Variants in LRP5 observed in about 807,000 individuals in gnomAD.
LRP5 encodes LDL receptor related protein 5.
A neutral mutation model predicts 154.1 loss-of-function variants in LRP5; 62 were observed. The ratio of observed to expected loss-of-function variants is 0.40; its 90% confidence interval spans 0.33 to 0.50. The LOEUF (loss-of-function observed/expected upper bound fraction) is 0.50. Among genes scored for constraint, LRP5 ranks in the 20% least tolerant of loss-of-function variants. The pLI is 0.55. For synonymous variants in LRP5, 966 were observed against 1,011.5 expected (o/e 0.96, Z 0.85); for missense variants, 1,915 against 2,336.7 (o/e 0.82, Z 3.72).
chr11:68,308,345 C>T (rs894462908), upstream of LRP5, among the ~76,000 whole-genome samples: 1 of 152,222 alleles, frequency 6.6e-6, no homozygotes, highest in Non-Finnish European at 1.5e-5. Context: ...CCAAGTGTCA[C>T]CGGGCTGAAA....
At chr11:68,407,316 G>C (rs2153164962) in intron 9 of LRP5, among the ~76,000 whole-genome samples, 1 of 151,726 alleles carries the variant, frequency 6.6e-6, no homozygotes, top group East Asian at 2.0e-4. Context: ...CTACAGACAT[G>C]CACCACCACA....
chr11:68,386,937 C>T lies in LRP5; in HGVS notation c.1412+225C>T, dbSNP rs1304470983. Among the ~76,000 whole-genome samples the T allele has an allele frequency of 1.3e-5, 2 of 152,192 alleles. No individual in the cohort carries two copies. Among genetic ancestry groups the T allele is most frequent in the Non-Finnish European group, 2.9e-5 (2 of 68,032 alleles). ...TAACAAGCACCCCAGTGGTCCGGTG[C>T]TGCTGCTGGGTCCATGCGTAGAAAG... On this transcript the variant is annotated intron_variant, in intron 6 of 22. Transcript: ENST00000294304. The surrounding 1 kb of genome is among the most constrained non-coding windows in gnomAD (Gnocchi z 7.9).
chr11:68,304,658 G>T, the LRP5 span, among the ~76,000 whole-genome samples: 28 of 152,382 alleles, frequency 1.8e-4, no homozygotes, highest in East Asian at 5.2e-3. Flanking sequence ...CTGCAAAGCC[G>T]CAGGAATAGA....
intron 9 of LRP5, among the ~76,000 whole-genome samples, chr11:68,407,657 G>A (rs1199160665): frequency 2.8e-5 from 4 of 144,604 alleles, no homozygotes; most frequent in African/African-American, 5.0e-5. Flanking sequence ...CCTCACCCAC[G>A]TGGAGAAACC....
intron 5 of LRP5, among the ~76,000 whole-genome samples, chr11:68,367,883 G>T (rs762735131): frequency 6.6e-6 from 1 of 152,124 alleles, no homozygotes; most frequent in Non-Finnish European, 1.5e-5. Context: ...GGCCAACATG[G>T]TGAAACTCCA....
intron 3 of LRP5, among the ~76,000 whole-genome samples, chr11:68,360,069 G>A (rs111245244): frequency 2.6e-5 from 4 of 151,924 alleles, no homozygotes; most frequent in African/African-American, 4.8e-5. Flanking sequence ...GATTACAGGC[G>A]TGAGCCACCA....
intron 5 of LRP5, among the ~76,000 whole-genome samples, chr11:68,367,773 G>C (rs2098631876): frequency 6.6e-6 from 1 of 152,160 alleles, no homozygotes; most frequent in African/African-American, 2.4e-5. Flanking sequence ...GTGTAAAACA[G>C]GCAGCTCGGG....
At chr11:68,432,538 C>T (rs1485926405) in intron 17 of LRP5, among the ~76,000 whole-genome samples, 1 of 152,238 alleles carries the variant, frequency 6.6e-6, no homozygotes, top group Non-Finnish European at 1.5e-5. Context: ...ATGGGGAAGG[C>T]CTGCGGGTTC....
chr11:68,362,590 C>T (rs2098628693), intron 3 of LRP5, among the ~76,000 whole-genome samples: 1 of 151,176 alleles, frequency 6.6e-6, no homozygotes, highest in African/African-American at 2.4e-5. Context: ...ACTCTGGAGG[C>T]GGAGGTGGGA....
chr11:68,344,182 T>C (rs956919069), intron 1 of LRP5, among the ~76,000 whole-genome samples: 1 of 152,192 alleles, frequency 6.6e-6, no homozygotes, highest in East Asian at 1.9e-4. Flanking sequence ...TTCTTCGTTA[T>C]CTGTTTGGAC....
intron 9 of LRP5, 26 bp downstream of exon 9, chr11:68,406,839 A>G: frequency 6.2e-7 from 1 of 1,611,622 alleles, no homozygotes; most frequent in Non-Finnish European, 8.5e-7. Flanking sequence ...ACGTGCACAC[A>G]GGCAGCCTTT....
chr11:68,365,648 T>C lies in LRP5; in HGVS notation c.961T>C (p.Cys321Arg). ...LLSPSEPFYT[C>R]ACPTGVQLQD... ...GTCCCCAAGCGAGCCTTTCTACACA[T>C]GCGCCTGCCCCACGGGTGTGCAGCT... The change falls in exon 5 of 23, where the codon TGC (cysteine) becomes CGC (arginine). Residue 321 changes from cysteine (C) to arginine (R), a missense_variant. Coordinates refer to ENST00000294304, the MANE Select transcript of LRP5 (RefSeq NM_002335.4). 2.6e-6 allele frequency: 4 copies of C among 1,565,978 alleles called. No individual in the cohort carries two copies. Among genetic ancestry groups the C allele is most frequent in the Non-Finnish European group, 3.5e-6 (4 of 1,150,140 alleles).
chr11:68,433,855 CA>C lies in LRP5; in HGVS notation c.4000+19del. 6.2e-7 allele frequency: 1 copy of C among 1,606,906 alleles called. No homozygotes were observed. Among genetic ancestry groups the C allele is most frequent in the Non-Finnish European group, 8.5e-7 (1 of 1,176,712 alleles). ...ACTGTGACGGTGAGGCCCTCCCCGTCAAGGCTCTGCCAAGACCCTGGCCCTG... is the reference window on the plus strand; with the variant it reads ...ACTGTGACGGTGAGGCCCTCCCCGTCAGGCTCTGCCAAGACCCTGGCCCTG... On this transcript the variant is annotated intron_variant, in intron 18 of 22. Coordinates refer to ENST00000294304, the MANE Select transcript of LRP5 (RefSeq NM_002335.4).
chr11:68,325,675 G>A (rs1450115042), intron 1 of LRP5, among the ~76,000 whole-genome samples: 2 of 152,226 alleles, frequency 1.3e-5, no homozygotes, highest in South Asian at 2.1e-4. Context: ...TGGGGGTTGC[G>A]TGTATGCGCA....
intron 5 of LRP5, among the ~76,000 whole-genome samples, chr11:68,381,659 C>A (rs2098640313): frequency 6.6e-6 from 1 of 152,184 alleles, no homozygotes; most frequent in Non-Finnish European, 1.5e-5. Context: ...TTTAAACAAC[C>A]CCAAAGAAAA....
chr11:68,424,997 C>G (rs2098667876), intron 14 of LRP5, 105 bp from the exon 15 acceptor site: 1 of 972,690 alleles, frequency 1.0e-6, no homozygotes, highest in South Asian at 1.3e-5. Context: ...TCGGGCAGCC[C>G]TGAGAGGCAG....
rs757523656 is a variant in LRP5, at chr11:68,386,361, G to A, written c.1061G>A (p.Arg354Lys). Residue 354 changes from arginine to lysine, a missense_variant, in exon 6 of 23, where the codon AGG becomes AAG. Around this residue, in one of 3 missense-constraint regions of LRP5, gnomAD observed 773 missense variants for 1,100.9 expected, o/e 0.70. Transcript: ENST00000294304. The surrounding 1 kb of genome is among the most constrained non-coding windows in gnomAD (Gnocchi z 7.9). ...CTGGCCCGGCGGACGGACCTACGGA[G>A]GATCTCGCTGGACACGCCGGACTTC... is the stretch of plus-strand genomic sequence containing the variant. ...LLLARRTDLR[R>K]ISLDTPDFTD... 3 of 1,613,540 alleles carry A rather than the reference G, an allele frequency of 1.9e-6. No individual in the cohort carries two copies. Among genetic ancestry groups the A allele is most frequent in the South Asian group, 1.1e-5 (1 of 91,084 alleles).
chr11:68,309,875 T>C (rs1403334522), upstream of LRP5, among the ~76,000 whole-genome samples: 1 of 152,192 alleles, frequency 6.6e-6, no homozygotes, highest in Non-Finnish European at 1.5e-5. Flanking sequence ...GCCTCTTTCC[T>C]CCTGACAGTC....
intron 5 of LRP5, among the ~76,000 whole-genome samples, chr11:68,377,125 C>A (rs2098637791): frequency 1.3e-5 from 2 of 152,124 alleles, no homozygotes; most frequent in African/African-American, 2.4e-5. Flanking sequence ...TGGGGAGTGG[C>A]CATGCAGCCA....
Sources: gnomAD v4.1 joint callset for allele counts (sites outside exome capture counted in the v4.1 genomes callset) on GRCh38, gnomAD v4.1.1 for gene constraint, gnomAD v4.1.1 regional missense constraint, Gnocchi (gnomAD v3.1) non-coding constraint, MANE v1.5 for transcripts, NCBI Gene and HGNC (gene_info 2026-07-23, HGNC 2026-07-21) for gene names.